PKHD1: variants seen among roughly 807,000 people sequenced by gnomAD.
PKHD1 encodes PKHD1 ciliary IPT domain containing fibrocystin/polyductin, also known as fibrocystin.
In PKHD1, 291 loss-of-function variants were observed where a neutral mutation model predicts 412.0. The ratio of observed to expected loss-of-function variants is 0.71; its 90% CI spans 0.64 to 0.78. The LOEUF (loss-of-function observed/expected upper bound fraction) is 0.78, where lower values mean the gene tolerates loss of function less well. Ranked by LOEUF, PKHD1 falls within the 30% of genes least tolerant of loss-of-function variation. The probability of loss-of-function intolerance (pLI) is 0.00; values close to 1 mark genes in which losing one functional copy is unlikely to be tolerated. For missense variants in PKHD1, 4,825 were observed against 4,950.7 expected, an observed-to-expected ratio of 0.97 and a Z score of 0.76; for synonymous variants, 1,777 against 1,821.5, an observed-to-expected ratio of 0.98 and a Z score of 0.62.
intron 35 of PKHD1, among the ~76,000 whole-genome samples, chr6:51,961,636 C>G (rs759607705): frequency 1.3e-5 from 2 of 151,962 alleles, no homozygotes; most frequent in Non-Finnish European, 2.9e-5. Flanking sequence ...CTTTAATTTA[C>G]TCCTGTAGAA....
chr6:51,814,014 T>G (rs1368167898), intron 52 of PKHD1, among the ~76,000 whole-genome samples: 1 of 152,172 alleles, frequency 6.6e-6, no homozygotes, highest in Non-Finnish European at 1.5e-5. Flanking sequence ...ATACTTAATG[T>G]ATAAAAGCTG....
chr6:51,615,641 T>C lies in PKHD1; in HGVS notation c.*3440A>G, dbSNP rs1029830019. ...AGCTTGGTTGAATAATATTTGCATATGATTTACATTTGATTTCCTCATACT... is the reference window on the plus strand; with the variant it reads ...AGCTTGGTTGAATAATATTTGCATACGATTTACATTTGATTTCCTCATACT... On this transcript the variant is annotated 3_prime_UTR_variant, in exon 67 of 67. Coordinates refer to ENST00000371117, the MANE Select transcript of PKHD1 (RefSeq NM_138694.4). The C allele has an allele frequency of 1.3e-5, 2 of 152,236 alleles. No homozygotes were observed. The highest frequency in any genetic ancestry group is 4.8e-5 in the African/African-American group (2 of 41,476). 9.4% of individuals were successfully genotyped at this position (152,236 alleles called of 1,614,324 possible). A position where few individuals can be genotyped will look rare whatever the true frequency, so the allele number is the denominator to read the frequency against.
intron 63 of PKHD1, among the ~76,000 whole-genome samples, chr6:51,641,695 C>A (rs532750837): frequency 6.6e-6 from 1 of 152,232 alleles, no homozygotes; most frequent in East Asian, 1.9e-4. Context: ...ATATACACTA[C>A]GGAATACTAT....
intron 37 of PKHD1, among the ~76,000 whole-genome samples, chr6:51,932,884 T>C (rs1786874616): frequency 6.6e-6 from 1 of 152,134 alleles, no homozygotes; most frequent in Non-Finnish European, 1.5e-5. Context: ...TGATAGACAA[T>C]GATTGGGGCC....
At position 51,658,990 on chromosome 6, in the gene PKHD1, G is replaced by C. The variant is rs1023992997; in HGVS notation, c.11136C>G (p.Ala3712=). ...LENVLNMTIG[A]LLVTQSKGVI... is the part of the protein sequence containing the mutation. ...CTCCCTTTGACTGAGTAACTAGTAA[G>C]GCCCCGATAGTCATATTCAGAACAT... is the stretch of plus-strand genomic sequence containing the variant. Residue 3712 remains alanine (A), a synonymous_variant, in exon 61 of 67, where the codon GCC becomes GCG. Transcript: ENST00000371117. 6.2e-7 allele frequency: 1 copy of C among 1,612,906 alleles called. No individual in the cohort carries two copies. Among genetic ancestry groups the C allele is most frequent in the East Asian group, 2.2e-5 (1 of 44,840 alleles).
chr6:51,777,476 C>T (rs1303723936), intron 53 of PKHD1, among the ~76,000 whole-genome samples: 1 of 151,906 alleles, frequency 6.6e-6, no homozygotes, highest in Non-Finnish European at 1.5e-5. Flanking sequence ...GTAGGTAATG[C>T]CACTCCTCAG....
intron 34 of PKHD1, among the ~76,000 whole-genome samples, chr6:52,011,260 A>G (rs1365412752): frequency 6.6e-6 from 1 of 152,196 alleles, no homozygotes; most frequent in Non-Finnish European, 1.5e-5. Context: ...GTCATCCTCA[A>G]CAGGTGTGAT....
At chr6:51,827,502 TC>T (rs1767507766) in intron 52 of PKHD1, among the ~76,000 whole-genome samples, 1 of 152,146 alleles carries the variant, frequency 6.6e-6, no homozygotes, top group Non-Finnish European at 1.5e-5. Context: ...CCCAGGTTTA[TC>T]CTAGTCGACA....
intron 6 of PKHD1, among the ~76,000 whole-genome samples, chr6:52,074,884 C>T (rs747458059): frequency 4.6e-4 from 70 of 152,302 alleles, no homozygotes; most frequent in Non-Finnish European, 7.6e-4. Flanking sequence ...CCCAGCCCGC[C>T]ACCAATCCTT....
At chr6:51,926,808 T>G (rs1019452730) in intron 37 of PKHD1, among the ~76,000 whole-genome samples, 2 of 152,206 alleles carry the variant, frequency 1.3e-5, no homozygotes. Context: ...TTTTGAAGTA[T>G]TGTTAGACAG....
At chr6:51,733,907 T>C (rs1038728280) in intron 60 of PKHD1, among the ~76,000 whole-genome samples, 20 of 152,182 alleles carry the variant, frequency 1.3e-4, no homozygotes, top group African/African-American at 4.6e-4. Flanking sequence ...TCCCACTTCC[T>C]GGGAAAATGA....
intron 60 of PKHD1, among the ~76,000 whole-genome samples, chr6:51,661,038 AG>A (rs200906706): frequency 0.018 from 2,743 of 152,208 alleles, 95 homozygotes; most frequent in African/African-American, 0.062. Context: ...TTAGCTCATT[AG>A]AAAAAAAAGA....
In PKHD1 at chr6:51,880,779, T is replaced by TAAAAA. The variant is rs71544105; in HGVS notation, c.7350+2309_7350+2313dup. Among the ~76,000 whole-genome samples the TAAAAA allele has an allele frequency of 5.7e-4, 17 of 30,038 alleles. 1 individual carries two copies. The highest frequency in any genetic ancestry group is 2.6e-3 in the African/African-American group (13 of 4,924). 19.7% of individuals were successfully genotyped at this position (30,038 alleles called of 152,430 possible). ...CTTAGAGTATAATAAAAAAAAAAAT[T>TAAAAA]AAAAAAAAAAAAAAAAAAAAAAAAA... On this transcript the variant is annotated intron_variant, in intron 46 of 66. Transcript: ENST00000371117.
At chr6:51,896,722 C>T (rs533018755) in intron 43 of PKHD1, among the ~76,000 whole-genome samples, 5,027 of 151,918 alleles carry the variant, frequency 0.033, 309 homozygotes, top group African/African-American at 0.12. Flanking sequence ...CTCCAAGCTA[C>T]GGGAGGACAT....
intron 52 of PKHD1, among the ~76,000 whole-genome samples, chr6:51,807,637 G>A (rs578221385): frequency 2.0e-5 from 3 of 151,620 alleles, no homozygotes; most frequent in Non-Finnish European, 4.4e-5. Flanking sequence ...GTAAGAATGA[G>A]TGACTGCTGT....
At chr6:51,827,562 A>C (rs1767523033) in intron 52 of PKHD1, among the ~76,000 whole-genome samples, 1 of 152,108 alleles carries the variant, frequency 6.6e-6, no homozygotes, top group African/African-American at 2.4e-5. Flanking sequence ...GTGTCTCATA[A>C]CTGCCCCTCT....
At chr6:51,698,161 C>G (rs957943374) in intron 60 of PKHD1, among the ~76,000 whole-genome samples, 8 of 152,158 alleles carry the variant, frequency 5.3e-5, no homozygotes, top group South Asian at 2.1e-4. Flanking sequence ...CAGGAAGAGG[C>G]TGATTTGCTT....
intron 60 of PKHD1, among the ~76,000 whole-genome samples, chr6:51,743,362 C>G (rs1562210354): frequency 1.3e-5 from 2 of 152,034 alleles, no homozygotes; most frequent in Non-Finnish European, 1.5e-5. Flanking sequence ...ACTTAAATAG[C>G]CTAATGAATG....
intron 56 of PKHD1, 108 bp downstream of exon 56, chr6:51,754,676 T>C (rs1786666118): frequency 2.2e-6 from 2 of 900,002 alleles, no homozygotes; most frequent in Non-Finnish European, 3.8e-6. Context: ...CAGGAAGGCA[T>C]TGTTCTTCCC....
Sources: gnomAD v4.1 joint callset for allele counts (sites outside exome capture counted in the v4.1 genomes callset) on GRCh38, gnomAD v4.1.1 for gene constraint, MANE v1.5 for transcripts, NCBI Gene and HGNC (gene_info 2026-07-23, HGNC 2026-07-21) for gene names.